Variants in PTPRD observed in about 807,000 individuals in gnomAD.
PTPRD encodes receptor-type tyrosine-protein phosphatase delta.
A neutral mutation model predicts 214.5 loss-of-function variants in PTPRD; 34 were observed. The observed-to-expected ratio is 0.16, with a 90% CI of 0.12 to 0.21. The LOEUF (loss-of-function observed/expected upper bound fraction) is 0.21, where lower values mean the gene tolerates loss of function less well. Among genes scored for constraint, PTPRD ranks in the 10% least tolerant of loss-of-function variants. PTPRD has a pLI of 1.00. For missense variants in PTPRD, 2,545 were observed against 2,398.7 expected, an observed-to-expected ratio of 1.06 and a Z score of -1.27; for synonymous variants, 1,128 against 845.7, an observed-to-expected ratio of 1.33 and a Z score of -5.79.
intron 35 of PTPRD, among the ~76,000 whole-genome samples, chr9:8,428,534 T>C (rs1167797743): frequency 6.6e-6 from 1 of 152,180 alleles, no homozygotes; most frequent in South Asian, 2.1e-4. Context: ...CCCTTAGAAA[T>C]GGAAGAGTCT....
chr9:10,290,093 C>T (rs369995425), intron 3 of PTPRD, among the ~76,000 whole-genome samples: 1 of 152,048 alleles, frequency 6.6e-6, no homozygotes, highest in Non-Finnish European at 1.5e-5. Flanking sequence ...TTTTAATACT[C>T]AAATCATTAT....
Position 10,077,085 on chromosome 9 carries a change from G to C in PTPRD, c.-544-43295C>G, listed in dbSNP as rs1461877028. 2.0e-5 allele frequency among the ~76,000 whole-genome samples: 3 copies of C among 152,204 alleles called. No homozygotes were observed. In the South Asian group the frequency reaches 6.2e-4, roughly 32 times the overall value. ...ACAGACACCAAACAAATTGTGGTTC[G>C]AATAAAACTTCACGTTCATTTTATT... On this transcript the variant is annotated intron_variant, in intron 3 of 45. Coordinates refer to ENST00000381196, the MANE Select transcript of PTPRD (RefSeq NM_002839.4).
chr9:8,456,493 C>T (rs573699651), intron 33 of PTPRD, among the ~76,000 whole-genome samples: 2 of 152,262 alleles, frequency 1.3e-5, no homozygotes, highest in East Asian at 1.9e-4. Context: ...GGAGGGCCTA[C>T]TCAGAAGCCA....
intron 3 of PTPRD, among the ~76,000 whole-genome samples, chr9:10,181,563 TG>T (rs1309709197): frequency 3.3e-5 from 5 of 152,002 alleles, no homozygotes; most frequent in African/African-American, 7.2e-5. Context: ...GATCATCAGT[TG>T]GTAAAACAAT....
At chr9:9,306,531 T>C (rs1183674786) in intron 9 of PTPRD, among the ~76,000 whole-genome samples, 2 of 120,050 alleles carry the variant, frequency 1.7e-5, no homozygotes, top group South Asian at 2.7e-4. Context: ...ACCACTGCAC[T>C]CCCGTCTGGG....
intron 34 of PTPRD, among the ~76,000 whole-genome samples, chr9:8,439,418 C>G (rs921552772): frequency 2.0e-5 from 3 of 152,168 alleles, no homozygotes; most frequent in African/African-American, 7.2e-5. Flanking sequence ...TGTAAGGGTT[C>G]TAAAAGTTAT....
At chr9:8,530,729 TTAAA>T (rs1312234097) in intron 14 of PTPRD, among the ~76,000 whole-genome samples, 4 of 152,048 alleles carry the variant, frequency 2.6e-5, no homozygotes, top group Non-Finnish European at 5.9e-5. Flanking sequence ...AGGCAACCAG[TTAAA>T]TAGTTAGGGA....
chr9:9,966,143 G>C (rs939762830), intron 4 of PTPRD, among the ~76,000 whole-genome samples: 1 of 152,116 alleles, frequency 6.6e-6, no homozygotes, highest in Non-Finnish European at 1.5e-5. Context: ...TAGATAAAAG[G>C]AGACCATCCT....
rs1291039821 is a variant in PTPRD, at chr9:9,750,059, CT to C, written c.-325-15489del. On this transcript the variant is annotated intron_variant, in intron 6 of 45. Transcript: ENST00000381196. ...ATTGAAAACAACTACGAAAAATAAA[CT>C]TTTATATGATTAATGTAAAGCAGTT... 1.5e-4 allele frequency among the ~76,000 whole-genome samples: 23 copies of C among 152,170 alleles called. No homozygotes were observed. In the East Asian group the frequency reaches 1.9e-3, roughly 13 times the overall value.
At chr9:10,388,783 G>A (rs898767212) in intron 2 of PTPRD, among the ~76,000 whole-genome samples, 6 of 151,718 alleles carry the variant, frequency 4.0e-5, no homozygotes, top group African/African-American at 1.5e-4. Context: ...AATAATGTTG[G>A]AACCTATTCT....
At chr9:8,807,251 C>T (rs552235365) in intron 11 of PTPRD, among the ~76,000 whole-genome samples, 1 of 151,994 alleles carries the variant, frequency 6.6e-6, no homozygotes, top group Non-Finnish European at 1.5e-5. Flanking sequence ...GCAGGAGAAT[C>T]GCTTGAACCC....
At chr9:8,336,646 A>AC (rs1277074920) in intron 43 of PTPRD, among the ~76,000 whole-genome samples, 2 of 150,988 alleles carry the variant, frequency 1.3e-5, no homozygotes, top group African/African-American at 4.8e-5. Context: ...AAAAAAAAAA[A>AC]CTACCATCAG....
At chr9:10,505,881 T>G (rs1416287812) in intron 2 of PTPRD, among the ~76,000 whole-genome samples, 1 of 152,024 alleles carries the variant, frequency 6.6e-6, no homozygotes, top group Non-Finnish European at 1.5e-5. Flanking sequence ...ATATTTTAAT[T>G]AGATATATCA....
chr9:9,325,260 T>A (rs1400530402), intron 9 of PTPRD, among the ~76,000 whole-genome samples: 2 of 152,224 alleles, frequency 1.3e-5, no homozygotes, highest in Non-Finnish European at 2.9e-5. Context: ...GGGATGGCAT[T>A]GAATGTATAA....
intron 7 of PTPRD, among the ~76,000 whole-genome samples, chr9:9,588,791 T>A (rs899266283): frequency 2.6e-5 from 4 of 151,968 alleles, no homozygotes; most frequent in Admixed American, 6.6e-5. Flanking sequence ...CTCATCAATG[T>A]CATCATTTTA....
chr9:8,820,928 T>C (rs965414916), intron 11 of PTPRD, among the ~76,000 whole-genome samples: 2 of 152,220 alleles, frequency 1.3e-5, no homozygotes, highest in African/African-American at 4.8e-5. Context: ...TATGATGTCA[T>C]ACAATCATTT....
intron 5 of PTPRD, among the ~76,000 whole-genome samples, chr9:9,912,086 T>C (rs1401355706): frequency 1.3e-5 from 2 of 152,148 alleles, no homozygotes; most frequent in Non-Finnish European, 2.9e-5. Context: ...ATATATATTG[T>C]AAGTGGGGGA....
At chr9:9,321,385 A>G (rs1966413475) in intron 9 of PTPRD, among the ~76,000 whole-genome samples, 1 of 152,020 alleles carries the variant, frequency 6.6e-6, no homozygotes, top group Admixed American at 6.6e-5. Context: ...GTGAAACCCC[A>G]TCTCTACCAG....
chr9:8,361,045 T>G (rs2078341654), intron 39 of PTPRD, among the ~76,000 whole-genome samples: 2 of 152,232 alleles, frequency 1.3e-5, no homozygotes, highest in African/African-American at 4.8e-5. Context: ...TTCTGTAGAT[T>G]TTCTCATACT....
Sources: allele counts gnomAD v4.1 joint callset (sites outside exome capture counted in the v4.1 genomes callset), GRCh38; gene constraint gnomAD v4.1.1; transcripts MANE v1.5; gene names NCBI Gene and HGNC (gene_info 2026-07-23, HGNC 2026-07-21).